Variants in DGKQ observed in about 807,000 individuals in gnomAD.
DGKQ encodes the protein diacylglycerol kinase theta, also known as DAG kinase theta.
DGKQ carries 97 observed loss-of-function variants against 104.2 expected under a neutral mutation model. The observed-to-expected ratio is 0.93, with a 90% CI of 0.79 to 1.10. The LOEUF is 1.10. DGKQ is among the 50% of genes least tolerant of loss of function. The pLI is 0.00. For missense variants in DGKQ, 1,465 were observed against 1,352.1 expected (o/e 1.08, Z -1.31); for synonymous variants, 736 against 595.2 (o/e 1.24, Z -3.44).
chr4:966,192 A>G, intron 12 of DGKQ, 114 bp from the exon 13 acceptor site: 1 of 1,161,604 alleles, frequency 8.6e-7, no homozygotes. Context: ...ACTCCCAGGA[A>G]TTAAGTCAAC....
chr4:966,189 G>A, intron 12 of DGKQ, 111 bp from the exon 13 acceptor site: 4 of 1,179,042 alleles, frequency 3.4e-6, no homozygotes, highest in East Asian at 5.2e-5. Flanking sequence ...AACACTCCCA[G>A]GAATTAAGTC....
In DGKQ at chr4:967,056, T is replaced by C; in HGVS notation, c.1221-2A>G. 1 of 1,553,026 alleles carries C rather than the reference T, an allele frequency of 6.4e-7. No individual in the cohort carries two copies. Among genetic ancestry groups the C allele is most frequent in the Non-Finnish European group, 8.7e-7 (1 of 1,148,356 alleles). ...ACGGACACGTAGGCCACGCCCACCCTGTGGGGACACAGTCTGAGCTGGAGC... is the reference window on the plus strand; with the variant it reads ...ACGGACACGTAGGCCACGCCCACCCCGTGGGGACACAGTCTGAGCTGGAGC... On this transcript the variant is annotated splice_acceptor_variant, in intron 9 of 22. Transcript: ENST00000273814. LOFTEE classifies it high-confidence loss of function.
At chr4:970,286 G>C (rs1712827865) in intron 2 of DGKQ, among the ~76,000 whole-genome samples, 1 of 152,276 alleles carries the variant, frequency 6.6e-6, no homozygotes, top group African/African-American at 2.4e-5. Context: ...GAACGCATCA[G>C]GGAATGCGGA....
At chr4:970,753 G>C (rs1018141785) in intron 2 of DGKQ, among the ~76,000 whole-genome samples, 2 of 152,140 alleles carry the variant, frequency 1.3e-5, no homozygotes, top group Non-Finnish European at 2.9e-5. Context: ...TCGTCATTTT[G>C]AGCACATTCT....
intron 3 of DGKQ, 58 bp from the exon 4 acceptor site, chr4:968,622 C>A: frequency 6.6e-7 from 1 of 1,510,280 alleles, no homozygotes; most frequent in Non-Finnish European, 8.9e-7. Flanking sequence ...CTGCCTCTGC[C>A]GGTGCTTGGG....
chr4:966,783 A>C lies in DGKQ; in HGVS notation c.1331T>G (p.Phe444Cys). ...LGRQAESPES[F>C]QLVEVAMGCR... ...GCCCATCGCCACCTCCACCAGCTGG[A>C]AGCTCTCGGGACTCTCGGCCTGTTG... is the stretch of plus-strand genomic sequence containing the variant. The change falls in exon 11 of 23, where the codon TTC becomes TGC. Residue 444 changes from phenylalanine to cysteine, a missense_variant. Transcript: ENST00000273814. 1.2e-6 allele frequency: 2 copies of C among 1,610,160 alleles called. No homozygotes were observed. Among genetic ancestry groups the C allele is most frequent in the Non-Finnish European group, 1.7e-6 (2 of 1,178,854 alleles).
rs1209009455 is a variant in DGKQ at position 970,909 on chromosome 4, A to G, written c.351+84T>C. The stretch of plus-strand genomic sequence containing the variant: ...ACTGCAGGTATCACTAACGTCTGAC[A>G]TGAAGGTTTTCAGTGCCTCGACCCT... On this transcript the variant is annotated intron_variant, in intron 2 of 22. Transcript: ENST00000273814. The G allele has an allele frequency of 1.1e-5, 12 of 1,080,688 alleles. No homozygotes were observed. In the East Asian group the frequency reaches 1.3e-4, roughly 12 times the overall value. The allele number at this position is 1,080,688 out of a possible 1,614,324, so 66.9% of individuals were successfully genotyped here.
chr4:967,689 G>T lies in DGKQ; in HGVS notation c.886+39C>A, dbSNP rs755461008. The T allele has an allele frequency of 8.7e-6, 14 of 1,611,852 alleles. No individual in the cohort carries two copies. In the African/African-American group the frequency reaches 1.6e-4, roughly 18 times the overall value. Reference sequence around the variant, plus strand: ...CTCCGTGAGTCCCGGGCGCCCGGGGGACCTCAGTGGAGTTGGGGGGAATGA... The same window carrying T: ...CTCCGTGAGTCCCGGGCGCCCGGGGTACCTCAGTGGAGTTGGGGGGAATGA... On this transcript the variant is annotated intron_variant, in intron 7 of 22. Transcript: ENST00000273814.
At position 965,481 on chromosome 4, in the gene DGKQ, G is replaced by A; in HGVS notation, c.1618+10C>T. 6.2e-7 allele frequency: 1 copy of A among 1,610,372 alleles called. No individual in the cohort carries two copies. Among genetic ancestry groups the A allele is most frequent in the South Asian group, 1.1e-5 (1 of 90,368 alleles). ...GGCCTCATGTGACCACGTCCCTCAG[G>A]GCAGCTCACCTTGGGAGGAGTAGAT... On this transcript the variant is annotated intron_variant, in intron 14 of 22. Coordinates refer to ENST00000273814, the MANE Select transcript of DGKQ (RefSeq NM_001347.4).
At chr4:961,948 C>T (rs368950147) in intron 19 of DGKQ, 34 bp downstream of exon 19, 14 of 1,611,234 alleles carry the variant, frequency 8.7e-6, no homozygotes, top group South Asian at 3.3e-5. Context: ...GGAGGTATGC[C>T]GTTGACAGGT....
At position 965,548 on chromosome 4, in the gene DGKQ, G is replaced by C. The variant is rs1231717403; in HGVS notation, c.1580-19C>G. The C allele has an allele frequency of 2.5e-6, 4 of 1,611,016 alleles. No individual in the cohort carries two copies. Among genetic ancestry groups the C allele is most frequent in the African/African-American group, 2.7e-5 (2 of 75,036 alleles). ...ACGGTGGCTGCAAAGGCAGGCTGTGGTCAGGGCGGTGGGAGGCGAAGGACA... is the reference window on the plus strand; with the variant it reads ...ACGGTGGCTGCAAAGGCAGGCTGTGCTCAGGGCGGTGGGAGGCGAAGGACA... On this transcript the variant is annotated intron_variant, in intron 13 of 22. Coordinates refer to ENST00000273814, the MANE Select transcript of DGKQ (RefSeq NM_001347.4).
At position 960,080 on chromosome 4, in the gene DGKQ, C is replaced by T. The variant is rs1035229639; in HGVS notation, c.*540G>A. 1.3e-5 allele frequency: 2 copies of T among 155,224 alleles called. No individual in the cohort carries two copies. Among genetic ancestry groups the T allele is most frequent in the Admixed American group, 1.3e-4 (2 of 15,856 alleles). The allele number at this position is 155,224 out of a possible 1,614,324, so 9.6% of individuals were successfully genotyped here. On this transcript the variant is annotated 3_prime_UTR_variant, in exon 23 of 23. Coordinates refer to ENST00000273814, the MANE Select transcript of DGKQ (RefSeq NM_001347.4). Reference sequence around the variant, plus strand: ...GTCACCAGTCACCACCACCCGGCAGCCTCACACGCTGCCCACACCTGCTGC... The same window carrying T: ...GTCACCAGTCACCACCACCCGGCAGTCTCACACGCTGCCCACACCTGCTGC...
Position 961,761 on chromosome 4 carries a change from T to C in DGKQ, c.2389A>G (p.Ile797Val). The C allele has an allele frequency of 6.2e-7, 1 of 1,612,534 alleles. No individual in the cohort carries two copies. Among genetic ancestry groups the C allele is most frequent in the Non-Finnish European group, 8.5e-7 (1 of 1,179,754 alleles). Residue 797 changes from isoleucine (I) to valine (V), a missense_variant, in exon 20 of 23, where the codon ATC (isoleucine) becomes GTC (valine). Physicochemically the swap from Ile to Val is conservative, Grantham distance 29 (BLOSUM62 3). Transcript: ENST00000273814. ...TCCTGCCGCTCCACCTGCAGCCGGA[T>C]CTGCTTGTGCAGGCTCCGAGAGTGA... ...ISHSRSLHKQ[I>V]RLQVERQEVE...
At chr4:961,250 CCGCTGA>C in intron 21 of DGKQ, 49 bp from the exon 22 acceptor site, 1 of 1,463,472 alleles carries the variant, frequency 6.8e-7, no homozygotes, top group Non-Finnish European at 9.1e-7. Context: ...GGGACGCCCA[CCGCTGA>C]CCTGGCCCTG....
intron 2 of DGKQ, among the ~76,000 whole-genome samples, chr4:969,220 G>C (rs1226437341): frequency 3.9e-5 from 6 of 152,122 alleles, no homozygotes; most frequent in South Asian, 2.1e-4. Context: ...AAAGCAGGGA[G>C]GAGGCTGTGG....
Position 962,763 on chromosome 4 carries a change from T to C in DGKQ, c.2035+9A>G, listed in dbSNP as rs559147602. Reference sequence around the variant, plus strand: ...GAGGCCCCCTCCTCGGCTGCACGGCTGAGCCCACCTGTGCCCAGGGGCAGG... The same window carrying C: ...GAGGCCCCCTCCTCGGCTGCACGGCCGAGCCCACCTGTGCCCAGGGGCAGG... On this transcript the variant is annotated intron_variant, in intron 17 of 22. Transcript: ENST00000273814. The C allele has an allele frequency of 6.2e-7, 1 of 1,603,406 alleles. No individual in the cohort carries two copies. The highest frequency in any genetic ancestry group is 1.3e-5 in the African/African-American group (1 of 74,920).
At position 973,507 on chromosome 4, in the gene DGKQ, C is replaced by T. The variant is rs1713111850; in HGVS notation, c.-25G>A. The T allele has an allele frequency of 4.1e-6, 4 of 986,486 alleles. No individual in the cohort carries two copies. The highest frequency in any genetic ancestry group is 4.8e-6 in the Non-Finnish European group (4 of 830,952). 61.1% of individuals were successfully genotyped at this position (986,486 alleles called of 1,614,324 possible). A position where few individuals can be genotyped will look rare whatever the true frequency, so the allele number is the denominator to read the frequency against. On this transcript the variant is annotated 5_prime_UTR_variant, in exon 1 of 23. Coordinates refer to ENST00000273814, the MANE Select transcript of DGKQ (RefSeq NM_001347.4). ...TTCCCGGCCCGAGCGGCCCGAGCCC[C>T]TTTAGGTCCGCGCCGGGGGTACAGG...
Position 962,584 on chromosome 4 carries a change from C to G in DGKQ, c.2065G>C (p.Gly689Arg), listed in dbSNP as rs1458708757. 5.0e-6 allele frequency: 8 copies of G among 1,609,186 alleles called. No individual in the cohort carries two copies. The highest frequency in any genetic ancestry group is 6.8e-6 in the Non-Finnish European group (8 of 1,179,898). ...GGGTCCTCGCCGCTGTAGCCCGCCC[C>G]CCAGCGGAGGACTCGACCAAGGTCA... ...GNDLGRVLRW[G>R]AGYSGEDPFS... The change falls in exon 18 of 23, where the codon GGG (glycine) becomes CGG (arginine). Residue 689 changes from glycine (G) to arginine (R), a missense_variant. Transcript: ENST00000273814.
rs769552289 is a variant in DGKQ, at chr4:962,515, T to C, written c.2134A>G (p.Met712Val). Residue 712 changes from methionine (M) to valine (V), a missense_variant, in exon 18 of 23, where the codon ATG becomes GTG. Transcript: ENST00000273814. ...LSVDEADAVL[M>V]DRWTILLDAH... ...TCCAGCAGGATGGTCCAGCGGTCCA[T>C]GAGCACGGCGTCGGCCTCGTCCACA... 6 of 1,610,012 alleles carry C rather than the reference T, an allele frequency of 3.7e-6. No individual in the cohort carries two copies. Among genetic ancestry groups the C allele is most frequent in the Non-Finnish European group, 5.1e-6 (6 of 1,179,920 alleles).
Sources: allele counts gnomAD v4.1 joint callset (sites outside exome capture counted in the v4.1 genomes callset), GRCh38; gene constraint gnomAD v4.1.1; transcripts MANE v1.5; gene names NCBI Gene and HGNC (gene_info 2026-07-23, HGNC 2026-07-21).